The following CSMD1 variants were observed in gnomAD, a reference collection of about 807,000 sequenced individuals.
CSMD1 encodes the protein CUB and sushi domain-containing protein 1.
Under a neutral mutation model 417.5 loss-of-function variants are expected in CSMD1, and 213 were observed. The ratio of observed to expected loss-of-function variants is 0.51; its 90% confidence interval spans 0.46 to 0.57. CSMD1 has a LOEUF of 0.57. CSMD1 is among the 20% of genes least tolerant of loss of function. The pLI is 0.00. For synonymous variants in CSMD1, 2,862 were observed against 1,736.8 expected (o/e 1.65, Z -16.11); for missense variants, 6,923 against 4,529.7 (o/e 1.53, Z -15.17).
At chr8:4,936,533 GAATA>G (rs1395385656) in intron 1 of CSMD1, among the ~76,000 whole-genome samples, 3 of 152,162 alleles carry the variant, frequency 2.0e-5, no homozygotes, top group Non-Finnish European at 2.9e-5. Flanking sequence ...GTACCTTCGT[GAATA>G]AATGTTTGGA....
rs758700513 is a variant in CSMD1 at position 2,957,734 on chromosome 8, G to C, written c.9776C>G (p.Ala3259Gly). 1 of 1,598,896 alleles carries C rather than the reference G, an allele frequency of 6.3e-7. No homozygotes were observed. The change falls in exon 63 of 70, where the codon GCC (alanine) becomes GGC (glycine). Residue 3259 changes from alanine to glycine, a missense_variant. Coordinates refer to ENST00000635120, the MANE Select transcript of CSMD1 (RefSeq NM_033225.6). ...IQGSTTRTCL[A>G]NLTWSGIQTE... ...CTGTATCCCACTCCATGTTAAATTG[G>C]CAAGGCAGGTGCGAGTCGTGGAACC... is the stretch of plus-strand genomic sequence containing the variant.
chr8:4,403,777 G>T (rs1321481392), intron 3 of CSMD1, among the ~76,000 whole-genome samples: 1 of 151,988 alleles, frequency 6.6e-6, no homozygotes, highest in Non-Finnish European at 1.5e-5. Context: ...TTTCCATCTT[G>T]ATCCTCTCTC....
chr8:3,961,128 T>A (rs879396653), intron 5 of CSMD1, among the ~76,000 whole-genome samples: 5 of 152,178 alleles, frequency 3.3e-5, no homozygotes, highest in Non-Finnish European at 5.9e-5. Flanking sequence ...AAAAATTGCA[T>A]CTCTTCTTGC....
At chr8:4,705,608 T>G (rs766973245) in intron 1 of CSMD1, among the ~76,000 whole-genome samples, 7 of 152,230 alleles carry the variant, frequency 4.6e-5, no homozygotes, top group Admixed American at 1.3e-4. Context: ...TATTTTTGAC[T>G]CATCTTATAT....
intron 2 of CSMD1, among the ~76,000 whole-genome samples, chr8:4,487,896 G>C (rs569782936): frequency 6.6e-6 from 1 of 152,242 alleles, no homozygotes; most frequent in Non-Finnish European, 1.5e-5. Flanking sequence ...GGATTAAATA[G>C]ACAAATGAAA....
At chr8:4,424,521 G>C (rs1797434565) in intron 2 of CSMD1, among the ~76,000 whole-genome samples, 1 of 151,830 alleles carries the variant, frequency 6.6e-6, no homozygotes. Context: ...AATCAGAATA[G>C]CTGAAATAAA....
chr8:3,352,421 G>T (rs2551040), intron 21 of CSMD1, among the ~76,000 whole-genome samples: 1 of 152,000 alleles, frequency 6.6e-6, no homozygotes, highest in East Asian at 1.9e-4. Flanking sequence ...AAGTATCTTT[G>T]AAAGTTCAAA....
intron 3 of CSMD1, among the ~76,000 whole-genome samples, chr8:4,349,525 G>A (rs1800966103): frequency 6.6e-6 from 1 of 152,092 alleles, no homozygotes; most frequent in Non-Finnish European, 1.5e-5. Flanking sequence ...CCTTTCAACA[G>A]CCTTTCTACT....
At chr8:4,019,934 C>CT (rs199529672) in intron 4 of CSMD1, among the ~76,000 whole-genome samples, 153 of 144,824 alleles carry the variant, frequency 1.1e-3, no homozygotes, top group African/African-American at 3.5e-3. Context: ...AAAAAAAACC[C>CT]TTTTTTTTAA....
chr8:4,918,186 G>C (rs771352341), intron 1 of CSMD1, among the ~76,000 whole-genome samples: 1 of 152,206 alleles, frequency 6.6e-6, no homozygotes, highest in Non-Finnish European at 1.5e-5. Flanking sequence ...CTCCTGAGTT[G>C]AAATCATTAC....
chr8:4,836,508 G>T (rs1003871601), intron 1 of CSMD1, among the ~76,000 whole-genome samples: 23 of 152,152 alleles, frequency 1.5e-4, no homozygotes, highest in African/African-American at 5.6e-4. Context: ...CATGAATCAT[G>T]CATATGCTAA....
In CSMD1 at chr8:3,587,015, G is replaced by C. The variant is rs147088961; in HGVS notation, c.1098-755C>G. On this transcript the variant is annotated intron_variant, in intron 8 of 69. Transcript: ENST00000635120. ...GAGTTTCACCATGTTCGCCAGGCTG[G>C]TCTTCAACTCCTGACCTCAAGTGAT... Among the ~76,000 whole-genome samples the C allele has an allele frequency of 5.1e-3, 777 of 152,244 alleles. 3 individuals carry two copies. The highest frequency in any genetic ancestry group is 0.018 in the African/African-American group (741 of 41,558).
At chr8:3,645,632 T>G in intron 7 of CSMD1, among the ~76,000 whole-genome samples, 1 of 152,164 alleles carries the variant, frequency 6.6e-6, no homozygotes, top group East Asian at 1.9e-4. Flanking sequence ...GTCGGCCTTC[T>G]GCATTTGTAG....
chr8:4,099,206 GCACACACA>G (rs142311935), intron 3 of CSMD1, among the ~76,000 whole-genome samples: 69 of 148,572 alleles, frequency 4.6e-4, no homozygotes, highest in African/African-American at 1.7e-3. Context: ...ACACACACAC[GCACACACA>G]CACACACACC....
At chr8:4,235,477 C>A (rs184012830) in intron 3 of CSMD1, among the ~76,000 whole-genome samples, 1 of 151,916 alleles carries the variant, frequency 6.6e-6, no homozygotes, top group East Asian at 1.9e-4. Context: ...ATTTGGAAAC[C>A]TAATTCACAT....
intron 1 of CSMD1, among the ~76,000 whole-genome samples, chr8:4,908,449 C>T (rs1442826080): frequency 6.6e-6 from 1 of 152,098 alleles, no homozygotes; most frequent in East Asian, 1.9e-4. Context: ...TCTTTCTCTG[C>T]TCTCCTTTTC....
chr8:4,892,048 A>G (rs1804158966), intron 1 of CSMD1, among the ~76,000 whole-genome samples: 1 of 152,104 alleles, frequency 6.6e-6, no homozygotes, highest in African/African-American at 2.4e-5. Flanking sequence ...AGAAATAAAC[A>G]TTCTGAGTCA....
intron 2 of CSMD1, among the ~76,000 whole-genome samples, chr8:4,451,635 G>A (rs770636621): frequency 1.3e-5 from 2 of 152,108 alleles, no homozygotes; most frequent in Non-Finnish European, 2.9e-5. Context: ...TCTACTAGAA[G>A]GTAATGTTAG....
At chr8:3,810,552 C>G (rs537642714) in intron 5 of CSMD1, among the ~76,000 whole-genome samples, 1 of 152,074 alleles carries the variant, frequency 6.6e-6, no homozygotes, top group Non-Finnish European at 1.5e-5. Context: ...CTGTAATCAA[C>G]CGAGGGTCAG....
Sources: gnomAD v4.1 joint callset for allele counts (sites outside exome capture counted in the v4.1 genomes callset) on GRCh38, gnomAD v4.1.1 for gene constraint, MANE v1.5 for transcripts, NCBI Gene and HGNC (gene_info 2026-07-23, HGNC 2026-07-21) for gene names.